The following THUMPD1 variants were observed in gnomAD, a reference collection of about 807,000 sequenced individuals.
The protein encoded by THUMPD1 is THUMP domain-containing protein 1.
In THUMPD1, 31 loss-of-function variants were observed where a neutral mutation model predicts 31.6. The observed-to-expected ratio is 0.98, with a 90% CI of 0.74 to 1.32. The LOEUF is 1.32. THUMPD1 is among the 40% of genes most tolerant of loss of function. The pLI, the probability that THUMPD1 is intolerant of heterozygous loss-of-function variation, is 0.00. For missense variants in THUMPD1, 446 were observed against 427.8 expected, an observed-to-expected ratio of 1.04 and a Z score of -0.38; for synonymous variants, 166 against 158.2, an observed-to-expected ratio of 1.05 and a Z score of -0.37.
In THUMPD1 at chr16:20,741,564, T is replaced by C. The variant is rs553319410; in HGVS notation, c.176A>G (p.Glu59Gly). Residue 59 changes from glutamate (E) to glycine (G), a missense_variant, in exon 1 of 4, where the codon GAG becomes GGG. Transcript: ENST00000396083. ...TCNMNERKCV[E>G]EAYSLLNEYG... is the part of the protein sequence containing the mutation. ...TTCGTTGAGGAGGCTGTAGGCCTCC[T>C]CCACGCACTTGCGCTCGTTCATATT... is the stretch of plus-strand genomic sequence containing the variant. 2.4e-5 allele frequency: 34 copies of C among 1,433,970 alleles called. No homozygotes were observed. In the Admixed American group the frequency reaches 3.6e-4, roughly 15 times the overall value. 88.8% of individuals were successfully genotyped at this position (1,433,970 alleles called of 1,614,324 possible).
rs1251450231 is a variant in THUMPD1 at position 20,733,996 on chromosome 16, A to G, written c.*2884T>C. 6.6e-6 allele frequency: 1 copy of G among 152,220 alleles called. No homozygotes were observed. The highest frequency in any genetic ancestry group is 1.5e-5 in the Non-Finnish European group (1 of 68,030). 9.4% of individuals were successfully genotyped at this position (152,220 alleles called of 1,614,324 possible). On this transcript the variant is annotated 3_prime_UTR_variant, in exon 4 of 4. Coordinates refer to ENST00000396083, the MANE Select transcript of THUMPD1 (RefSeq NM_017736.5). ...AACATGCTCAAATGTCAGTGAAAAT[A>G]AACAGTTGATAAACCTGAAAACAAG...
In THUMPD1 at chr16:20,736,108, TG is replaced by T. The variant is rs1226011271; in HGVS notation, c.*771del. On this transcript the variant is annotated 3_prime_UTR_variant, in exon 4 of 4. Transcript: ENST00000396083. ...TGTTACAATTGCTAGTTTTGTAAGTTGCATGTCACAGACAATGCACAATGGG... is the reference window on the plus strand; with the variant it reads ...TGTTACAATTGCTAGTTTTGTAAGTTCATGTCACAGACAATGCACAATGGG... 2 of 152,246 alleles carry T rather than the reference TG, an allele frequency of 1.3e-5. No homozygotes were observed. Among genetic ancestry groups the T allele is most frequent in the Admixed American group, 6.5e-5 (1 of 15,288 alleles). The allele number at this position is 152,246 out of a possible 1,614,324, so 9.4% of individuals were successfully genotyped here.
chr16:20,737,504 G>A (rs1031303066), intron 3 of THUMPD1, among the ~76,000 whole-genome samples: 2 of 151,978 alleles, frequency 1.3e-5, no homozygotes, highest in Non-Finnish European at 2.9e-5. Context: ...TCAATTTCGA[G>A]TTAAAAAAGA....
rs2079846105 is a variant in THUMPD1, at chr16:20,733,818, G to A, written c.*3062C>T. ...AGAGAATCATGTTTTAAAATACAAA[G>A]TTTAACATTCTTTCCTCTATGGAGC... is the stretch of plus-strand genomic sequence containing the variant. On this transcript the variant is annotated 3_prime_UTR_variant, in exon 4 of 4. Coordinates refer to ENST00000396083, the MANE Select transcript of THUMPD1 (RefSeq NM_017736.5). 6.6e-6 allele frequency: 1 copy of A among 151,996 alleles called. No homozygotes were observed. Among genetic ancestry groups the A allele is most frequent in the East Asian group, 1.9e-4 (1 of 5,194 alleles). The allele number at this position is 151,996 out of a possible 1,614,324, so 9.4% of individuals were successfully genotyped here.
intron 1 of THUMPD1, 45 bp downstream of exon 1, chr16:20,741,464 G>A: frequency 3.4e-6 from 5 of 1,472,982 alleles, no homozygotes; most frequent in Non-Finnish European, 4.5e-6. Flanking sequence ...CCCTCCTCCC[G>A]CAAGGCCTGG....
At chr16:20,740,341 G>A (rs1048289475) in intron 1 of THUMPD1, among the ~76,000 whole-genome samples, 1 of 152,190 alleles carries the variant, frequency 6.6e-6, no homozygotes, top group Non-Finnish European at 1.5e-5. Flanking sequence ...GTTGCAGTGA[G>A]CAAGAGCATG....
intron 2 of THUMPD1, among the ~76,000 whole-genome samples, chr16:20,738,489 C>A (rs1024033934): frequency 1.3e-5 from 2 of 152,056 alleles, no homozygotes; most frequent in African/African-American, 2.4e-5. Context: ...ATATTTGGGG[C>A]TGCTCCGAAA....
Position 20,741,610 on chromosome 16 carries a change from G to A in THUMPD1, c.130C>T (p.Gln44Ter), listed in dbSNP as rs1343152483. The change falls in exon 1 of 4, where the codon CAG becomes TAG. Residue 44 changes from glutamine to a stop codon, truncating the protein, a stop_gained. Coordinates refer to ENST00000396083, the MANE Select transcript of THUMPD1 (RefSeq NM_017736.5). LOFTEE classifies it high-confidence loss of function. ...ATATTGCAGGTGATGAGGATGCCCT[G>A]TAGCCCGGGCTCTAGCTGACGGGGC... Reference protein sequence around the residue: ...GGPRQLEPGLQGILITCNMNE... With the variant: ...GGPRQLEPGL 4.4e-6 allele frequency: 7 copies of A among 1,573,576 alleles called. No individual in the cohort carries two copies. The highest frequency in any genetic ancestry group is 2.6e-6 in the Non-Finnish European group (3 of 1,159,520).
chr16:20,738,578 GC>G (rs1200659046), intron 2 of THUMPD1, among the ~76,000 whole-genome samples: 4 of 152,112 alleles, frequency 2.6e-5, no homozygotes, highest in African/African-American at 9.7e-5. Flanking sequence ...CAAATACCTG[GC>G]CCTGCATTCC....
chr16:20,739,615 G>A (rs1400424076), intron 1 of THUMPD1, among the ~76,000 whole-genome samples: 2 of 151,924 alleles, frequency 1.3e-5, no homozygotes, highest in Non-Finnish European at 2.9e-5. Context: ...GAGGTCAGAA[G>A]TTCGAGACCA....
chr16:20,740,887 T>G (rs926432552), intron 1 of THUMPD1, among the ~76,000 whole-genome samples: 2 of 152,242 alleles, frequency 1.3e-5, no homozygotes, highest in Non-Finnish European at 2.9e-5. Flanking sequence ...AACACATTAT[T>G]ACTCCAACTT....
At position 20,736,554 on chromosome 16, in the gene THUMPD1, C is replaced by T; in HGVS notation, c.*326G>A. The T allele has an allele frequency of 4.2e-6, 1 of 237,172 alleles. No individual in the cohort carries two copies. The highest frequency in any genetic ancestry group is 8.2e-6 in the Non-Finnish European group (1 of 122,060). The allele number at this position is 237,172 out of a possible 1,614,324, so 14.7% of individuals were successfully genotyped here. A position where few individuals can be genotyped will look rare whatever the true frequency, so the allele number is the denominator to read the frequency against. ...CTCCTTCCTTAGAATGAAAACTTCCCTCTGATTTTCTACTTCACAGGTAGT... is the reference window on the plus strand; with the variant it reads ...CTCCTTCCTTAGAATGAAAACTTCCTTCTGATTTTCTACTTCACAGGTAGT... On this transcript the variant is annotated 3_prime_UTR_variant, in exon 4 of 4. Transcript: ENST00000396083.
intron 2 of THUMPD1, chr16:20,738,310 C>CAAAAAA: frequency 4.6e-6 from 1 of 219,264 alleles, no homozygotes; most frequent in Non-Finnish European, 8.7e-6. Flanking sequence ...CACTTTTTTA[C>CAAAAAA]AAAAAAAAAA....
rs2079873531 is a variant in THUMPD1, at chr16:20,736,820, C to A, written c.*60G>T. On this transcript the variant is annotated 3_prime_UTR_variant, in exon 4 of 4. Coordinates refer to ENST00000396083, the MANE Select transcript of THUMPD1 (RefSeq NM_017736.5). ...TTTTTAGTCACAATTTAAGGTGGAG[C>A]CCCAGCAACATCTCGTAGAGCCCCA... 4.5e-6 allele frequency: 7 copies of A among 1,540,766 alleles called. No individual in the cohort carries two copies. Among genetic ancestry groups the A allele is most frequent in the East Asian group, 2.3e-5 (1 of 44,398 alleles).
chr16:20,733,900 A>AT lies in THUMPD1; in HGVS notation c.*2979dup, dbSNP rs1281745076. On this transcript the variant is annotated 3_prime_UTR_variant, in exon 4 of 4. Transcript: ENST00000396083. ...TTTTTTTATTTTTTTAACTGACGTA[A>AT]TTTTTTAAAAGAAAAAACAAAAGGG... 2 of 152,062 alleles carry AT rather than the reference A, an allele frequency of 1.3e-5. No homozygotes were observed. The highest frequency in any genetic ancestry group is 4.8e-5 in the African/African-American group (2 of 41,416). 9.4% of individuals were successfully genotyped at this position (152,062 alleles called of 1,614,324 possible). A position where few individuals can be genotyped will look rare whatever the true frequency, so the allele number is the denominator to read the frequency against.
At chr16:20,738,308 T>TAAA in intron 2 of THUMPD1, 3 of 325,824 alleles carry the variant, frequency 9.2e-6, no homozygotes, top group Non-Finnish European at 1.8e-5. Flanking sequence ...CACACTTTTT[T>TAAA]ACAAAAAAAA....
At chr16:20,741,374 G>A in intron 1 of THUMPD1, 135 bp downstream of exon 1, 1 of 1,141,468 alleles carries the variant, frequency 8.8e-7, no homozygotes, top group Non-Finnish European at 1.2e-6. Flanking sequence ...CGGAAACGCC[G>A]GCGAGGCCAC....
rs2079864678 is a variant in THUMPD1 at position 20,735,873 on chromosome 16, ACTGCATCTTGCC to A, written c.*995_*1006del. 6.6e-6 allele frequency: 1 copy of A among 152,188 alleles called. No individual in the cohort carries two copies. The allele number at this position is 152,188 out of a possible 1,614,324, so 9.4% of individuals were successfully genotyped here. On this transcript the variant is annotated 3_prime_UTR_variant, in exon 4 of 4. Transcript: ENST00000396083. ...GAGAATAAAGTCTCTTCAACTTTGT[ACTGCATCTTGCC>A]CCAGCATTTTAATGTTATTAGATTC...
chr16:20,738,852 C>T (rs758658942), intron 2 of THUMPD1, 45 bp downstream of exon 2: 1 of 1,599,526 alleles, frequency 6.3e-7, no homozygotes, highest in East Asian at 2.2e-5. Context: ...CAGGAAGATA[C>T]CCAGATGTTA....
Sources: allele counts gnomAD v4.1 joint callset (sites outside exome capture counted in the v4.1 genomes callset), GRCh38; gene constraint gnomAD v4.1.1; transcripts MANE v1.5; gene names NCBI Gene and HGNC (gene_info 2026-07-23, HGNC 2026-07-21).